Variants in OSBPL9 observed in about 807,000 individuals in gnomAD.
OSBPL9 encodes oxysterol binding protein like 9.
Under a neutral mutation model 106.6 loss-of-function variants are expected in OSBPL9, and 40 were observed. The observed-to-expected ratio is 0.38, with a 90% CI of 0.29 to 0.49. OSBPL9 has a LOEUF of 0.49. Ranked by LOEUF, OSBPL9 falls within the 20% of genes least tolerant of loss-of-function variation. The pLI is 0.97. For missense variants in OSBPL9, 609 were observed against 887.2 expected, an observed-to-expected ratio of 0.69 and a Z score of 3.98; for synonymous variants, 269 against 295.4, an observed-to-expected ratio of 0.91 and a Z score of 0.92.
intron 2 of OSBPL9, among the ~76,000 whole-genome samples, chr1:51,657,400 T>G (rs1646882701): frequency 6.6e-6 from 1 of 152,190 alleles, no homozygotes; most frequent in African/African-American, 2.4e-5. Context: ...GTCAGGTAAA[T>G]GCTCATATTT....
At chr1:51,786,462 A>G (rs1034966481) in intron 21 of OSBPL9, 64 bp from the exon 22 acceptor site, 16 of 1,070,872 alleles carry the variant, frequency 1.5e-5, no homozygotes, top group African/African-American at 3.2e-5. Flanking sequence ...AAGCACTACA[A>G]TGCATCTAAC....
At chr1:51,537,407 A>G in the OSBPL9 span, among the ~76,000 whole-genome samples, 1 of 152,106 alleles carries the variant, frequency 6.6e-6, no homozygotes, top group African/African-American at 2.4e-5. Flanking sequence ...CATTTCTCCA[A>G]AGAGCTACTC....
chr1:51,603,154 C>CAAAAGA (rs939608454), intron 2 of OSBPL9, among the ~76,000 whole-genome samples: 6 of 151,606 alleles, frequency 4.0e-5, no homozygotes, highest in Admixed American at 6.6e-5. Flanking sequence ...GACCCTGTCT[C>CAAAAGA]AAAACAAAAA....
chr1:51,570,349 C>G, the OSBPL9 span, among the ~76,000 whole-genome samples: 1 of 152,224 alleles, frequency 6.6e-6, no homozygotes, highest in Non-Finnish European at 1.5e-5. Context: ...TCTGCTTTAT[C>G]ATGAAGCCAT....
At chr1:51,711,710 A>G in intron 3 of OSBPL9, among the ~76,000 whole-genome samples, 1 of 145,212 alleles carries the variant, frequency 6.9e-6, no homozygotes, top group African/African-American at 2.6e-5. Flanking sequence ...GCGGCCGGGC[A>G]GAGATGCTCC....
intron 3 of OSBPL9, among the ~76,000 whole-genome samples, chr1:51,700,496 C>A (rs1235602554): frequency 6.6e-6 from 1 of 152,054 alleles, no homozygotes. Context: ...CTTTCATGAC[C>A]TTGACATTTT....
chr1:51,722,371 T>C (rs1662323298), intron 4 of OSBPL9, among the ~76,000 whole-genome samples: 1 of 152,232 alleles, frequency 6.6e-6, no homozygotes, highest in African/African-American at 2.4e-5. Context: ...CAATAATTGC[T>C]ATCTAAAATA....
Position 51,590,043 on chromosome 1 carries a change from A to G in OSBPL9, c.-422-8081A>G, listed in dbSNP as rs1443190793. Among the ~76,000 whole-genome samples the G allele has an allele frequency of 2.6e-5, 4 of 151,646 alleles. No individual in the cohort carries two copies. In the East Asian group the frequency reaches 7.8e-4, roughly 29 times the overall value. The stretch of plus-strand genomic sequence containing the variant: ...GTGAGACTCCGTCTCAAAAAAAAAA[A>G]AAAAAAAAAAGAGAGAGGTAGGCAG... On this transcript the variant is annotated intron_variant, in intron 1 of 25. Transcript: ENST00000371714.
At chr1:51,593,218 T>C (rs763253062) in intron 1 of OSBPL9, among the ~76,000 whole-genome samples, 1 of 152,034 alleles carries the variant, frequency 6.6e-6, no homozygotes, top group Non-Finnish European at 1.5e-5. Flanking sequence ...GAGAAATAAA[T>C]GGAAATAAAT....
chr1:51,750,559 A>G lies in OSBPL9; in HGVS notation c.543+364A>G, dbSNP rs6672240. 4.7e-3 allele frequency among the ~76,000 whole-genome samples: 719 copies of G among 152,358 alleles called. 2 individuals carry two copies. Among genetic ancestry groups the G allele is most frequent in the African/African-American group, 0.016 (686 of 41,594 alleles). ...ACAGTTATTGTCCATAATGAAGAAT[A>G]TAATAGAGATATATTTTTTAAATTT... On this transcript the variant is annotated intron_variant, in intron 8 of 23. Coordinates refer to ENST00000428468, the MANE Select transcript of OSBPL9 (RefSeq NM_024586.6).
At chr1:51,770,785 A>G (rs1012755468) in intron 12 of OSBPL9, among the ~76,000 whole-genome samples, 3 of 152,224 alleles carry the variant, frequency 2.0e-5, no homozygotes, top group Non-Finnish European at 4.4e-5. Flanking sequence ...AACATAATAT[A>G]TTCTAATTTT....
chr1:51,640,953 A>T (rs1011910241), intron 1 of OSBPL9, among the ~76,000 whole-genome samples: 2 of 151,384 alleles, frequency 1.3e-5, no homozygotes, highest in Non-Finnish European at 1.5e-5. Context: ...CTGGCTAATT[A>T]AAAAAAATTT....
rs1645325874 is a variant in OSBPL9, at chr1:51,601,749, G to GAAGAA, written c.-353+3568_-353+3572dup. 2.6e-5 allele frequency among the ~76,000 whole-genome samples: 4 copies of GAAGAA among 152,264 alleles called. No homozygotes were observed. In the South Asian group the frequency reaches 8.3e-4, roughly 32 times the overall value. ...AAAGCCCTTCTTACCTTCCTAGGAA[G>GAAGAA]AAGAAAAGAAAAGAAATGCACCTGT... On this transcript the variant is annotated intron_variant, in intron 2 of 25. Transcript: ENST00000371714.
chr1:51,616,871 C>G, upstream of OSBPL9: 1 of 556,152 alleles, frequency 1.8e-6, no homozygotes, highest in East Asian at 3.6e-5. Flanking sequence ...AATCCCATGA[C>G]AGATTATAAA....
At chr1:51,664,815 G>A (rs758996510) in intron 2 of OSBPL9, among the ~76,000 whole-genome samples, 11 of 152,184 alleles carry the variant, frequency 7.2e-5, no homozygotes, top group African/African-American at 2.7e-4. Context: ...GTTACAAGGG[G>A]AGCTTTTCTG....
At chr1:51,600,253 G>A (rs923659260) in intron 2 of OSBPL9, among the ~76,000 whole-genome samples, 4 of 152,182 alleles carry the variant, frequency 2.6e-5, no homozygotes, top group Non-Finnish European at 5.9e-5. Context: ...AGCACTAAGA[G>A]AGATATAAAA....
intron 2 of OSBPL9, among the ~76,000 whole-genome samples, chr1:51,600,241 C>G (rs762917283): frequency 1.3e-5 from 2 of 152,122 alleles, no homozygotes; most frequent in Non-Finnish European, 2.9e-5. Flanking sequence ...CCCTATGAAC[C>G]TAGCACTAAG....
chr1:51,764,796 G>A (rs956134148), intron 11 of OSBPL9, among the ~76,000 whole-genome samples: 17 of 152,078 alleles, frequency 1.1e-4, no homozygotes, highest in Non-Finnish European at 2.5e-4. Flanking sequence ...TGTTGCACAG[G>A]CTGGTCTTGA....
At chr1:51,566,780 C>A in the OSBPL9 span, among the ~76,000 whole-genome samples, 1 of 152,182 alleles carries the variant, frequency 6.6e-6, no homozygotes, top group African/African-American at 2.4e-5. Flanking sequence ...CAGCTCTCAT[C>A]ATTCTCTGAT....
Sources: allele counts gnomAD v4.1 joint callset (sites outside exome capture counted in the v4.1 genomes callset), GRCh38; gene constraint gnomAD v4.1.1; transcripts MANE v1.5; gene names NCBI Gene and HGNC (gene_info 2026-07-23, HGNC 2026-07-21).